Variants in SLC9A9 observed in about 807,000 individuals in gnomAD.
SLC9A9 encodes the protein solute carrier family 9 member A9, also known as sodium/hydrogen exchanger 9.
A neutral mutation model predicts 77.8 loss-of-function variants in SLC9A9; 62 were observed. That is an observed-to-expected ratio of 0.80 (90% CI 0.65 to 0.98). The LOEUF is 0.98. Among genes scored for constraint, SLC9A9 ranks in the 50% least tolerant of loss-of-function variants. The pLI is 0.00. For synonymous variants in SLC9A9, 320 were observed against 283.5 expected, an observed-to-expected ratio of 1.13 and a Z score of -1.29; for missense variants, 775 against 774.9, an observed-to-expected ratio of 1.00 and a Z score of 0.00.
chr3:143,322,633 T>C (rs1576424106), intron 14 of SLC9A9, among the ~76,000 whole-genome samples: 1 of 152,360 alleles, frequency 6.6e-6, no homozygotes, highest in Non-Finnish European at 1.5e-5. Flanking sequence ...CACCTCATTT[T>C]ACCTTTGAAC....
At chr3:143,588,647 T>C (rs2037595517) in intron 6 of SLC9A9, among the ~76,000 whole-genome samples, 1 of 152,254 alleles carries the variant, frequency 6.6e-6, no homozygotes, top group African/African-American at 2.4e-5. Context: ...TGAAACATGT[T>C]GTCAGAATTG....
intron 12 of SLC9A9, among the ~76,000 whole-genome samples, chr3:143,394,761 A>T (rs1008781039): frequency 1.3e-5 from 2 of 152,248 alleles, no homozygotes; most frequent in Admixed American, 1.3e-4. Context: ...AAGTCTCAGG[A>T]TACAAAATCA....
intron 14 of SLC9A9, among the ~76,000 whole-genome samples, chr3:143,307,557 G>C (rs576726884): frequency 6.6e-6 from 1 of 152,308 alleles, no homozygotes; most frequent in Admixed American, 6.5e-5. Flanking sequence ...CTGGGTCTTT[G>C]CCTCTGCCTA....
chr3:143,651,698 C>T (rs1016283081), intron 6 of SLC9A9, among the ~76,000 whole-genome samples: 1 of 152,188 alleles, frequency 6.6e-6, no homozygotes, highest in Admixed American at 6.5e-5. Flanking sequence ...CATCCCCCCA[C>T]CCTAATATCC....
At chr3:143,438,973 C>T in intron 12 of SLC9A9, among the ~76,000 whole-genome samples, 1 of 152,192 alleles carries the variant, frequency 6.6e-6, no homozygotes, top group Non-Finnish European at 1.5e-5. Context: ...TTGATTTGGT[C>T]ATTTATTCAT....
At chr3:143,272,527 C>T (rs975864113) in intron 14 of SLC9A9, among the ~76,000 whole-genome samples, 12 of 152,156 alleles carry the variant, frequency 7.9e-5, no homozygotes, top group East Asian at 1.9e-4. Context: ...TCTTCTGTTA[C>T]GAAGACACTG....
intron 14 of SLC9A9, among the ~76,000 whole-genome samples, chr3:143,326,476 C>A (rs2031605249): frequency 6.6e-6 from 1 of 152,148 alleles, no homozygotes; most frequent in South Asian, 2.1e-4. Context: ...CCATTCTCAG[C>A]CACACTGGCC....
rs151022765 is a variant in SLC9A9 at position 143,484,704 on chromosome 3, C to G, written c.1315+8949G>C. On this transcript the variant is annotated intron_variant, in intron 11 of 15. Transcript: ENST00000316549. ...TAGAAAGGACATGATTTTGATTTAA[C>G]TTTTGTTCTCATGACTTTGAAGGTA... 7.4e-3 allele frequency among the ~76,000 whole-genome samples: 1,123 copies of G among 152,262 alleles called. 7 individuals are homozygous for G. Among genetic ancestry groups the G allele is most frequent in the South Asian group, 0.041 (197 of 4,818 alleles).
rs1057054255 is a variant in SLC9A9 at position 143,749,478 on chromosome 3, G to A, written c.533+45523C>T. On this transcript the variant is annotated intron_variant, in intron 4 of 15. Transcript: ENST00000316549. ...GTTGAAATTCCCTCGCTCCCACTCAGCAAAGCATCCCCAGATGCCAAAGAT... is the reference window on the plus strand; with the variant it reads ...GTTGAAATTCCCTCGCTCCCACTCAACAAAGCATCCCCAGATGCCAAAGAT... Among the ~76,000 whole-genome samples the A allele has an allele frequency of 2.0e-5, 3 of 152,294 alleles. No homozygotes were observed. In the East Asian group the frequency reaches 5.8e-4, roughly 29 times the overall value.
chr3:143,676,427 T>A (rs1057510261), intron 5 of SLC9A9, among the ~76,000 whole-genome samples: 1 of 150,778 alleles, frequency 6.6e-6, no homozygotes, highest in Non-Finnish European at 1.5e-5. Flanking sequence ...AAAACACATG[T>A]TATGTAGTGA....
At chr3:143,715,853 A>G (rs1173073440) in intron 4 of SLC9A9, among the ~76,000 whole-genome samples, 2 of 152,182 alleles carry the variant, frequency 1.3e-5, no homozygotes, top group African/African-American at 4.8e-5. Flanking sequence ...TGATAGCAAA[A>G]CACTGTTTTG....
At chr3:143,510,496 A>G (rs533066533) in intron 9 of SLC9A9, among the ~76,000 whole-genome samples, 116 of 152,290 alleles carry the variant, frequency 7.6e-4, no homozygotes, top group African/African-American at 2.7e-3. Context: ...CCTGTGTTGG[A>G]TAAAAGCACC....
At chr3:143,712,644 A>G (rs1247825886) in intron 4 of SLC9A9, among the ~76,000 whole-genome samples, 1 of 142,450 alleles carries the variant, frequency 7.0e-6, no homozygotes, top group Non-Finnish European at 1.5e-5. Context: ...GATAATCACT[A>G]CTGAATGACT....
chr3:143,267,699 T>C (rs1336222068), intron 15 of SLC9A9, among the ~76,000 whole-genome samples: 1 of 152,188 alleles, frequency 6.6e-6, no homozygotes, highest in Non-Finnish European at 1.5e-5. Context: ...GCATATTTCT[T>C]GGGAAGAGTA....
chr3:143,813,921 T>C (rs1394424158), intron 2 of SLC9A9, among the ~76,000 whole-genome samples: 3 of 152,158 alleles, frequency 2.0e-5, no homozygotes, highest in Non-Finnish European at 4.4e-5. Flanking sequence ...AGGGAAACCA[T>C]TGCCAGGCTG....
At chr3:143,814,396 T>C (rs1203828427) in intron 2 of SLC9A9, among the ~76,000 whole-genome samples, 1 of 151,732 alleles carries the variant, frequency 6.6e-6, no homozygotes, top group Non-Finnish European at 1.5e-5. Flanking sequence ...GAGCCAAGGA[T>C]CAAGGACAGA....
intron 9 of SLC9A9, among the ~76,000 whole-genome samples, chr3:143,539,916 T>C (rs1357409503): frequency 2.6e-5 from 4 of 152,056 alleles, no homozygotes; most frequent in South Asian, 2.1e-4. Flanking sequence ...GTGAGCACTA[T>C]CTTTTTAAGG....
At chr3:143,326,283 C>T (rs1207876594) in intron 14 of SLC9A9, among the ~76,000 whole-genome samples, 1 of 152,168 alleles carries the variant, frequency 6.6e-6, no homozygotes, top group East Asian at 1.9e-4. Flanking sequence ...CTCCACACAG[C>T]AACCAGAGTG....
At chr3:143,831,642 T>C (rs1004951311) in intron 2 of SLC9A9, among the ~76,000 whole-genome samples, 3 of 152,208 alleles carry the variant, frequency 2.0e-5, no homozygotes, top group Non-Finnish European at 4.4e-5. Flanking sequence ...TTAAGAAAGA[T>C]TTGAACTGCA....
Sources: allele counts gnomAD v4.1 joint callset (sites outside exome capture counted in the v4.1 genomes callset), GRCh38; gene constraint gnomAD v4.1.1; transcripts MANE v1.5; gene names NCBI Gene and HGNC (gene_info 2026-07-23, HGNC 2026-07-21).